The following CSMD1 variants were observed in gnomAD, a reference collection of about 807,000 sequenced individuals.
CSMD1 encodes the protein CUB and sushi domain-containing protein 1.
Under a neutral mutation model 417.5 loss-of-function variants are expected in CSMD1, and 213 were observed. The ratio of observed to expected loss-of-function variants is 0.51; its 90% CI spans 0.46 to 0.57. The LOEUF is 0.57. Ranked by LOEUF, CSMD1 falls within the 20% of genes least tolerant of loss-of-function variation. The probability of loss-of-function intolerance (pLI) is 0.00; values close to 1 mark genes in which losing one functional copy is unlikely to be tolerated. For synonymous variants in CSMD1, 2,862 were observed against 1,736.8 expected, an observed-to-expected ratio of 1.65 and a Z score of -16.11; for missense variants, 6,923 against 4,529.7, an observed-to-expected ratio of 1.53 and a Z score of -15.17.
chr8:4,096,906 T>G (rs1268773838), intron 3 of CSMD1, among the ~76,000 whole-genome samples: 9 of 152,164 alleles, frequency 5.9e-5, no homozygotes, highest in Admixed American at 5.9e-4. Flanking sequence ...TTGCCTCAGT[T>G]TTATACATAA....
intron 12 of CSMD1, among the ~76,000 whole-genome samples, chr8:3,431,592 A>G (rs1015057272): frequency 3.3e-5 from 5 of 151,976 alleles, no homozygotes; most frequent in Admixed American, 1.3e-4. Context: ...ATTTTCTTCT[A>G]TCTCTACTTG....
At chr8:4,417,779 C>T (rs1563152214) in intron 3 of CSMD1, among the ~76,000 whole-genome samples, 1 of 151,882 alleles carries the variant, frequency 6.6e-6, no homozygotes, top group African/African-American at 2.4e-5. Context: ...ATCATTAATT[C>T]TACTTCATAT....
chr8:4,677,421 T>G (rs1056926726), intron 1 of CSMD1, among the ~76,000 whole-genome samples: 1 of 152,114 alleles, frequency 6.6e-6, no homozygotes, highest in Non-Finnish European at 1.5e-5. Flanking sequence ...ATTCTCTCTC[T>G]CTCTCTCGTT....
intron 1 of CSMD1, among the ~76,000 whole-genome samples, chr8:4,967,043 T>C (rs912455139): frequency 2.0e-5 from 3 of 152,178 alleles, no homozygotes; most frequent in South Asian, 4.1e-4. Context: ...CATCGCAGTG[T>C]TCTCCAGTGG....
intron 5 of CSMD1, among the ~76,000 whole-genome samples, chr8:3,785,422 C>A (rs1205908669): frequency 6.6e-6 from 1 of 152,172 alleles, no homozygotes; most frequent in East Asian, 1.9e-4. Flanking sequence ...TCAGGCTAAG[C>A]AGCTGGGACC....
rs765904838 is a variant in CSMD1 at position 4,912,135 on chromosome 8, A to AAAAAAAAAAAAAAAAAAAAAAAAAAG, written c.85+82196_85+82197insCTTTTTTTTTTTTTTTTTTTTTTTTT. Among the ~76,000 whole-genome samples, 100 of 115,518 alleles carry AAAAAAAAAAAAAAAAAAAAAAAAAAG rather than the reference A, an allele frequency of 8.7e-4. 1 individual carries two copies. The highest frequency in any genetic ancestry group is 5.1e-3 in the Middle Eastern group (1 of 196). 75.8% of individuals were successfully genotyped at this position (115,518 alleles called of 152,430 possible). On this transcript the variant is annotated intron_variant, in intron 1 of 69. Coordinates refer to ENST00000635120, the MANE Select transcript of CSMD1 (RefSeq NM_033225.6). ...TCAACATAGCTTCAAAAAAAAAAAA[A>AAAAAAAAAAAAAAAAAAAAAAAAAAG]AAAAAAGAAAGAAAGAAAAGAAAAG...
chr8:4,093,126 C>T (rs1800808288), intron 3 of CSMD1, among the ~76,000 whole-genome samples: 1 of 151,968 alleles, frequency 6.6e-6, no homozygotes, highest in Non-Finnish European at 1.5e-5. Context: ...AAATCTCCAG[C>T]CATAAATTAT....
intron 3 of CSMD1, among the ~76,000 whole-genome samples, chr8:4,388,517 C>T (rs1803623449): frequency 7.1e-6 from 1 of 141,112 alleles, no homozygotes; most frequent in Non-Finnish European, 1.5e-5. Flanking sequence ...ATACAAAGGG[C>T]ATAAGAAGGA....
intron 4 of CSMD1, among the ~76,000 whole-genome samples, chr8:4,023,325 G>T (rs763610746): frequency 2.0e-5 from 3 of 152,274 alleles, no homozygotes; most frequent in Non-Finnish European, 4.4e-5. Context: ...GAGTATTTCT[G>T]TTTGAGCCCA....
intron 5 of CSMD1, among the ~76,000 whole-genome samples, chr8:3,976,107 A>G (rs1813417201): frequency 6.6e-6 from 1 of 152,112 alleles, no homozygotes; most frequent in African/African-American, 2.4e-5. Context: ...AGAATCTAAT[A>G]GAGAAAATAC....
intron 40 of CSMD1, among the ~76,000 whole-genome samples, chr8:3,143,282 G>T (rs528423157): frequency 6.6e-6 from 1 of 152,228 alleles, no homozygotes; most frequent in Non-Finnish European, 1.5e-5. Flanking sequence ...TATTAGTTTA[G>T]CAAGCGGTCA....
chr8:3,803,763 G>T (rs1219016218), intron 5 of CSMD1, among the ~76,000 whole-genome samples: 1 of 152,162 alleles, frequency 6.6e-6, no homozygotes, highest in Non-Finnish European at 1.5e-5. Flanking sequence ...GGGTCCTGAA[G>T]TAATTTGAGT....
intron 10 of CSMD1, among the ~76,000 whole-genome samples, chr8:3,501,485 A>G (rs773845086): frequency 3.4e-4 from 52 of 152,236 alleles, no homozygotes; most frequent in Non-Finnish European, 6.8e-4. Context: ...ACAGCACAAT[A>G]TAAATCAGTA....
intron 2 of CSMD1, among the ~76,000 whole-genome samples, chr8:4,634,932 A>G (rs1306895529): frequency 6.6e-6 from 1 of 152,172 alleles, no homozygotes; most frequent in Non-Finnish European, 1.5e-5. Context: ...ACAGTACTCT[A>G]AACGGTTCCC....
intron 2 of CSMD1, among the ~76,000 whole-genome samples, chr8:4,455,303 A>G (rs760368535): frequency 6.6e-6 from 1 of 152,210 alleles, no homozygotes; most frequent in African/African-American, 2.4e-5. Flanking sequence ...TCTTGCATCC[A>G]TTAGCAAAGA....
At chr8:4,058,377 T>G (rs189551836) in intron 3 of CSMD1, among the ~76,000 whole-genome samples, 1 of 152,166 alleles carries the variant, frequency 6.6e-6, no homozygotes, top group South Asian at 2.1e-4. Flanking sequence ...TTTTTGTCCA[T>G]TGATTTTGTA....
chr8:4,307,521 C>G (rs1327435475), intron 3 of CSMD1, among the ~76,000 whole-genome samples: 1 of 152,158 alleles, frequency 6.6e-6, no homozygotes. Context: ...GTCAACCATG[C>G]CTGGTCTGTT....
rs75905385 is a variant in CSMD1 at position 4,892,759 on chromosome 8, T to C, written c.85+101573A>G. 2.5e-3 allele frequency among the ~76,000 whole-genome samples: 380 copies of C among 152,224 alleles called. 4 individuals are homozygous for C. In the East Asian group the frequency reaches 0.039, roughly 15 times the overall value. ...TCTGATTTGCATCTCATTTTTATTCTTTGTATTATATAATAATAATAGGGT... is the reference window on the plus strand; with the variant it reads ...TCTGATTTGCATCTCATTTTTATTCCTTGTATTATATAATAATAATAGGGT... On this transcript the variant is annotated intron_variant, in intron 1 of 69. Coordinates refer to ENST00000635120, the MANE Select transcript of CSMD1 (RefSeq NM_033225.6).
intron 2 of CSMD1, among the ~76,000 whole-genome samples, chr8:4,596,436 C>A (rs564360888): frequency 4.0e-4 from 61 of 152,056 alleles, no homozygotes; most frequent in Non-Finnish European, 7.8e-4. Flanking sequence ...ACAAATATAG[C>A]AATTTTGATC....
Sources: allele counts gnomAD v4.1 joint callset (sites outside exome capture counted in the v4.1 genomes callset), GRCh38; gene constraint gnomAD v4.1.1; transcripts MANE v1.5; gene names NCBI Gene and HGNC (gene_info 2026-07-23, HGNC 2026-07-21).